Variants in SENP1 observed in about 807,000 individuals in gnomAD.
SENP1 encodes the protein SUMO specific peptidase 1.
SENP1 carries 21 observed loss-of-function variants against 93.0 expected under a neutral mutation model. The observed-to-expected ratio is 0.23, with a 90% CI of 0.16 to 0.33. The LOEUF (loss-of-function observed/expected upper bound fraction) is 0.33, where lower values mean the gene tolerates loss of function less well. Among genes scored for constraint, SENP1 ranks in the 10% least tolerant of loss-of-function variants. The pLI, the probability that SENP1 is intolerant of heterozygous loss-of-function variation, is 1.00. For synonymous variants in SENP1, 256 were observed against 259.6 expected (o/e 0.99, Z 0.13); for missense variants, 591 against 758.7 (o/e 0.78, Z 2.60).
chr12:48,082,560 T>G (rs924348175), intron 6 of SENP1, among the ~76,000 whole-genome samples: 13 of 152,222 alleles, frequency 8.5e-5, no homozygotes, highest in Non-Finnish European at 1.6e-4. Context: ...CACTGGAAGC[T>G]CTAATGCTAT....
chr12:48,056,878 TATATA>T (rs1231660767), intron 13 of SENP1, among the ~76,000 whole-genome samples: 2 of 66,268 alleles, frequency 3.0e-5, no homozygotes, highest in South Asian at 4.9e-4. Context: ...ACATATTACA[TATATA>T]ATATATTATT....
At chr12:48,062,518 CA>C (rs1414532451) in intron 13 of SENP1, among the ~76,000 whole-genome samples, 2 of 152,138 alleles carry the variant, frequency 1.3e-5, no homozygotes, top group African/African-American at 4.8e-5. Flanking sequence ...CAACCAGTGG[CA>C]AAAAGAATGG....
chr12:48,084,812 T>C (rs773736402), intron 5 of SENP1, among the ~76,000 whole-genome samples: 1 of 152,220 alleles, frequency 6.6e-6, no homozygotes, highest in African/African-American at 2.4e-5. Flanking sequence ...GAGGTACTTA[T>C]TCTTAGCATA....
intron 15 of SENP1, 91 bp downstream of exon 15, chr12:48,047,910 C>A: frequency 1.3e-6 from 1 of 790,998 alleles, no homozygotes; most frequent in South Asian, 1.5e-5. Flanking sequence ...TCAATCACTC[C>A]ATTGAAGGTA....
At chr12:48,057,852 C>T (rs1942665373) in intron 13 of SENP1, among the ~76,000 whole-genome samples, 1 of 150,746 alleles carries the variant, frequency 6.6e-6, no homozygotes, top group Non-Finnish European at 1.5e-5. Context: ...CCACCTTGGC[C>T]TCGCAAAGTG....
At chr12:48,048,415 C>A (rs976373413) in intron 14 of SENP1, among the ~76,000 whole-genome samples, 1 of 152,192 alleles carries the variant, frequency 6.6e-6, no homozygotes, top group East Asian at 1.9e-4. Flanking sequence ...ATCACTTCCA[C>A]AAAGTTTCAG....
Position 48,105,524 on chromosome 12 carries a change from C to A in SENP1, c.-45+504G>T, listed in dbSNP as rs544052887. 72 of 518,310 alleles carry A rather than the reference C, an allele frequency of 1.4e-4. 1 individual carries two copies. Among genetic ancestry groups the A allele is most frequent in the South Asian group, 9.9e-4 (71 of 71,516 alleles). 32.1% of individuals were successfully genotyped at this position (518,310 alleles called of 1,614,324 possible). ...AGCGATATCACATCTCAGGGAGATA[C>A]CACAGAGTAGGAGAGTTGGAGAAAT... On this transcript the variant is annotated intron_variant, in intron 1 of 17. Transcript: ENST00000549518.
In SENP1 at chr12:48,083,808, A is replaced by C. The variant is rs745395943; in HGVS notation, c.381-46T>G. 24 of 1,359,554 alleles carry C rather than the reference A, an allele frequency of 1.8e-5. No homozygotes were observed. In the African/African-American group the frequency reaches 3.5e-4, roughly 20 times the overall value. 84.2% of individuals were successfully genotyped at this position (1,359,554 alleles called of 1,614,324 possible). On this transcript the variant is annotated intron_variant, in intron 5 of 17. Transcript: ENST00000549518. Reference sequence around the variant, plus strand: ...AAAGATAAGAACAGATAATAAGTAAAATAAATCCAACCTAGAGATTATTTT... The same window carrying C: ...AAAGATAAGAACAGATAATAAGTAACATAAATCCAACCTAGAGATTATTTT...
At chr12:48,088,743 A>C in intron 5 of SENP1, 58 bp downstream of exon 5, 1 of 1,481,904 alleles carries the variant, frequency 6.7e-7, no homozygotes, top group Admixed American at 2.0e-5. Context: ...TCTACCTTTT[A>C]GTCACTTTCT....
chr12:48,056,233 T>C (rs1272313192), intron 13 of SENP1, among the ~76,000 whole-genome samples: 1 of 117,346 alleles, frequency 8.5e-6, no homozygotes, highest in Non-Finnish European at 1.6e-5. Context: ...ATGTAGTATA[T>C]ATTTTACATA....
chr12:48,072,844 T>C (rs1433757234), intron 8 of SENP1, among the ~76,000 whole-genome samples: 1 of 152,138 alleles, frequency 6.6e-6, no homozygotes, highest in Non-Finnish European at 1.5e-5. Flanking sequence ...ATATATAGTA[T>C]ACTCTCCATG....
intron 12 of SENP1, among the ~76,000 whole-genome samples, chr12:48,064,366 C>T (rs17122611): frequency 0.23 from 34,393 of 151,790 alleles, 4,571 homozygotes; most frequent in East Asian, 0.55. Flanking sequence ...GATAAAGAAA[C>T]GGATTATCTA....
At chr12:48,085,161 C>T in intron 5 of SENP1, 1 of 1,439,758 alleles carries the variant, frequency 6.9e-7, no homozygotes, top group Non-Finnish European at 9.8e-7. Flanking sequence ...GAACTGCCAC[C>T]CCAATTTCCT....
At chr12:48,078,304 A>C (rs1944239386) in intron 6 of SENP1, among the ~76,000 whole-genome samples, 1 of 41,222 alleles carries the variant, frequency 2.4e-5, no homozygotes, top group African/African-American at 7.6e-5. Context: ...TTTTTGGTGG[A>C]GTCTGTAGGA....
chr12:48,068,668 T>C (rs1321587534), intron 9 of SENP1, among the ~76,000 whole-genome samples: 3 of 152,108 alleles, frequency 2.0e-5, no homozygotes, highest in African/African-American at 7.2e-5. Flanking sequence ...TCTAGGAAAT[T>C]CATTTGTTTA....
rs779328437 is a variant in SENP1, at chr12:48,065,119, T to C, written c.1221A>G (p.Gln407=). Residue 407 remains glutamine, a synonymous_variant, in exon 12 of 18, where the codon CAA becomes CAG. Transcript: ENST00000549518. ...TATCAGTTAATTTATGACCTTTTTT[T>C]TGTGTTTCTTGGACAACAGTAACAG... The part of the protein sequence containing the change: ...EIPVTVVQET[Q]KKGHKLTDSE... The C allele has an allele frequency of 1.9e-6, 3 of 1,609,444 alleles. No individual in the cohort carries two copies. The East Asian group carries it at 6.7e-5, about 36-fold the overall frequency.
Position 48,043,561 on chromosome 12 carries a change from C to A in SENP1, c.*1761G>T, listed in dbSNP as rs1941139595. 6.6e-6 allele frequency: 1 copy of A among 152,168 alleles called. No homozygotes were observed. Among genetic ancestry groups the A allele is most frequent in the Admixed American group, 6.6e-5 (1 of 15,216 alleles). The allele number at this position is 152,168 out of a possible 1,614,324, so 9.4% of individuals were successfully genotyped here. A position where few individuals can be genotyped will look rare whatever the true frequency, so the allele number is the denominator to read the frequency against. ...AAGAGAATGTGAAGGTCCCCAGCAACTCATATATAGAAAGCTATTTATTTC... is the reference window on the plus strand; with the variant it reads ...AAGAGAATGTGAAGGTCCCCAGCAAATCATATATAGAAAGCTATTTATTTC... On this transcript the variant is annotated 3_prime_UTR_variant, in exon 18 of 18. Coordinates refer to ENST00000549518, the MANE Select transcript of SENP1 (RefSeq NM_001267594.2).
At chr12:48,105,856 A>C in intron 1 of SENP1, 172 bp downstream of exon 1, 1 of 602,334 alleles carries the variant, frequency 1.7e-6, no homozygotes, top group South Asian at 2.0e-5. Flanking sequence ...ACCGGACAGC[A>C]GGGGGGAGGG....
At chr12:48,096,292 C>G (rs374579395) in intron 4 of SENP1, 51 bp downstream of exon 4, 1 of 1,012,418 alleles carries the variant, frequency 9.9e-7, no homozygotes, top group Non-Finnish European at 1.5e-6. Context: ...GATATGCTAT[C>G]AAGAAATCCA....
Sources: allele counts gnomAD v4.1 joint callset (sites outside exome capture counted in the v4.1 genomes callset), GRCh38; gene constraint gnomAD v4.1.1; transcripts MANE v1.5; gene names NCBI Gene and HGNC (gene_info 2026-07-23, HGNC 2026-07-21).